Variants in IRAG1 observed in about 807,000 individuals in gnomAD.
IRAG1 encodes inositol 1,4,5-triphosphate receptor associated 1.
IRAG1 carries 62 observed loss-of-function variants against 106.2 expected under a neutral mutation model. The observed-to-expected ratio is 0.58, with a 90% confidence interval of 0.48 to 0.72. The LOEUF (loss-of-function observed/expected upper bound fraction) is 0.72, where lower values mean the gene tolerates loss of function less well. IRAG1 is among the 30% of genes least tolerant of loss of function. IRAG1 has a pLI of 0.00. For missense variants in IRAG1, 1,064 were observed against 1,140.7 expected (o/e 0.93, Z 0.97); for synonymous variants, 462 against 443.9 (o/e 1.04, Z -0.51).
chr11:10,680,546 G>GAAGGAAGGAA (rs143705702), intron 1 of IRAG1, among the ~76,000 whole-genome samples: 5 of 140,354 alleles, frequency 3.6e-5, no homozygotes, highest in African/African-American at 1.1e-4. Flanking sequence ...GAAGGGGAAG[G>GAAGGAAGGAA]GGAAGGGGAA....
At chr11:10,651,458 A>G (rs1298235019) in intron 2 of IRAG1, among the ~76,000 whole-genome samples, 6 of 152,278 alleles carry the variant, frequency 3.9e-5, no homozygotes, top group African/African-American at 1.2e-4. Context: ...TTCAATCTGA[A>G]AATTAGCACA....
intron 18 of IRAG1, among the ~76,000 whole-genome samples, chr11:10,588,349 T>G (rs142555364): frequency 2.3e-3 from 353 of 152,288 alleles, no homozygotes; most frequent in African/African-American, 8.0e-3. Flanking sequence ...AACTTTTTTT[T>G]TTTTGTTTTT....
intron 13 of IRAG1, among the ~76,000 whole-genome samples, chr11:10,603,538 G>T (rs551821276): frequency 2.0e-5 from 3 of 152,258 alleles, no homozygotes; most frequent in South Asian, 4.1e-4. Context: ...AGGAGGTCAT[G>T]CTCTCAGGCA....
intron 2 of IRAG1, among the ~76,000 whole-genome samples, chr11:10,641,392 G>C (rs1857496016): frequency 6.6e-6 from 1 of 152,200 alleles, no homozygotes; most frequent in Non-Finnish European, 1.5e-5. Context: ...AGCCACTGTG[G>C]TCACGGCGCA....
intron 18 of IRAG1, among the ~76,000 whole-genome samples, chr11:10,585,196 T>C (rs1419443090): frequency 1.3e-5 from 2 of 152,178 alleles, no homozygotes; most frequent in Non-Finnish European, 2.9e-5. Context: ...TCATTGTCCT[T>C]GGGTCACTGA....
At position 10,574,047 on chromosome 11, in the gene IRAG1, G is replaced by C. The variant is rs979544506; in HGVS notation, c.*2285C>G. The C allele has an allele frequency of 3.9e-5, 6 of 152,520 alleles. No individual in the cohort carries two copies. The highest frequency in any genetic ancestry group is 5.9e-5 in the Non-Finnish European group (4 of 68,258). The allele number at this position is 152,520 out of a possible 1,614,324, so 9.4% of individuals were successfully genotyped here. On this transcript the variant is annotated 3_prime_UTR_variant, in exon 21 of 21. Transcript: ENST00000423302. ...TGGCTTGGGCCTCAGTCATTTTCTA[G>C]CTACTGTAAAGGATGCCCCCTTCAA...
rs139339539 is a variant in IRAG1, at chr11:10,629,455, C to T, written c.574+83G>A. 316 of 1,455,320 alleles carry T rather than the reference C, an allele frequency of 2.2e-4. 2 individuals carry two copies. In the East Asian group the frequency reaches 5.3e-3, roughly 25 times the overall value. 90.2% of individuals were successfully genotyped at this position (1,455,320 alleles called of 1,614,324 possible). ...CAAGGCGACCTCCTCGGAGGTGAGG[C>T]GCCCACTGCAGCTGGTGCCAGGCCC... On this transcript the variant is annotated intron_variant, in intron 5 of 20. Coordinates refer to ENST00000423302, the MANE Select transcript of IRAG1 (RefSeq NM_130385.4).
At chr11:10,690,702 G>A (rs548058817) in intron 1 of IRAG1, among the ~76,000 whole-genome samples, 4 of 152,286 alleles carry the variant, frequency 2.6e-5, no homozygotes, top group East Asian at 3.9e-4. Context: ...GGAAGCGCCC[G>A]CTTTGGACCA....
chr11:10,681,645 T>G (rs1861268716), intron 1 of IRAG1, among the ~76,000 whole-genome samples: 1 of 152,158 alleles, frequency 6.6e-6, no homozygotes, highest in South Asian at 2.1e-4. Context: ...GAAAGAAGAT[T>G]TGATTTGCTC....
chr11:10,629,608 C>G lies in IRAG1; in HGVS notation c.504G>C (p.Lys168Asn). The change falls in exon 5 of 21, where the codon AAG becomes AAC. Residue 168 changes from lysine to asparagine, a missense_variant. Transcript: ENST00000423302. ...KKNLALLEEA[K>N]LVSERFLTRR... The stretch of plus-strand genomic sequence containing the variant: ...GGGTCAGGAATCGCTCACTCACCAA[C>G]TTGGCTTCTTCCAGCAGCGCCAGGT... 1 of 1,614,040 alleles carries G rather than the reference C, an allele frequency of 6.2e-7. No homozygotes were observed. The highest frequency in any genetic ancestry group is 8.5e-7 in the Non-Finnish European group (1 of 1,179,888).
At chr11:10,640,385 C>T (rs1408816357) in intron 2 of IRAG1, among the ~76,000 whole-genome samples, 3 of 152,248 alleles carry the variant, frequency 2.0e-5, no homozygotes. Context: ...CTTGATGGAA[C>T]ATCCTGGAAG....
At chr11:10,680,299 A>G (rs1861052405) in intron 1 of IRAG1, among the ~76,000 whole-genome samples, 1 of 114,076 alleles carries the variant, frequency 8.8e-6, no homozygotes, top group African/African-American at 3.4e-5. Flanking sequence ...AGAGAGAGAG[A>G]GAGAGGGAGG....
intron 2 of IRAG1, among the ~76,000 whole-genome samples, chr11:10,640,791 C>T (rs1201052392): frequency 1.3e-5 from 2 of 152,184 alleles, no homozygotes; most frequent in African/African-American, 4.8e-5. Flanking sequence ...GGGCCTCAGG[C>T]TCAGAAGCCA....
chr11:10,681,460 A>C (rs1360031124), intron 1 of IRAG1, among the ~76,000 whole-genome samples: 1 of 152,212 alleles, frequency 6.6e-6, no homozygotes, highest in African/African-American at 2.4e-5. Flanking sequence ...ATGGGATTGT[A>C]GAAAATAAAC....
intron 15 of IRAG1, chr11:10,599,945 C>T (rs1362780406): frequency 1.3e-5 from 2 of 152,208 alleles, no homozygotes; most frequent in African/African-American, 4.8e-5. Context: ...AATGACTCCC[C>T]GTTGCCTAGA....
In IRAG1 at chr11:10,693,482, C is replaced by T. The variant is rs2135303214; in HGVS notation, c.67+54G>A. 3.9e-6 allele frequency: 6 copies of T among 1,534,406 alleles called. No homozygotes were observed. In the East Asian group the frequency reaches 1.2e-4, roughly 31 times the overall value. On this transcript the variant is annotated intron_variant, in intron 1 of 20. Transcript: ENST00000423302. ...TGTACCTTTAAGGAAGAGAAGGTTC[C>T]CTCCGCTTCCCAGCCGAAGAGGCAG...
intron 10 of IRAG1, among the ~76,000 whole-genome samples, chr11:10,622,005 T>C (rs1855871849): frequency 6.6e-6 from 1 of 152,284 alleles, no homozygotes; most frequent in Admixed American, 6.5e-5. Flanking sequence ...TTTGCAATGA[T>C]GAAAACGTTC....
chr11:10,637,541 A>C (rs1459556918), intron 2 of IRAG1, among the ~76,000 whole-genome samples: 1 of 152,118 alleles, frequency 6.6e-6, no homozygotes, highest in Non-Finnish European at 1.5e-5. Context: ...GCTCTCTCTC[A>C]CAGGAAGATT....
chr11:10,632,177 T>C lies in IRAG1; in HGVS notation c.330-116A>G. The C allele has an allele frequency of 8.1e-6, 6 of 739,406 alleles. No homozygotes were observed. In the South Asian group the frequency reaches 9.1e-5, roughly 11 times the overall value. The allele number at this position is 739,406 out of a possible 1,614,324, so 45.8% of individuals were successfully genotyped here. On this transcript the variant is annotated intron_variant, in intron 3 of 20. Coordinates refer to ENST00000423302, the MANE Select transcript of IRAG1 (RefSeq NM_130385.4). Reference sequence around the variant, plus strand: ...TTCTTTCTTTCTTTGTTTCCTTCTTTCCTTCTTTCTTTCTTTTTTTTTTTT... The same window carrying C: ...TTCTTTCTTTCTTTGTTTCCTTCTTCCCTTCTTTCTTTCTTTTTTTTTTTT...
Sources: gnomAD v4.1 joint callset for allele counts (sites outside exome capture counted in the v4.1 genomes callset) on GRCh38, gnomAD v4.1.1 for gene constraint, MANE v1.5 for transcripts, NCBI Gene and HGNC (gene_info 2026-07-23, HGNC 2026-07-21) for gene names.